MEI4: variants seen among roughly 807,000 people sequenced by gnomAD.
The protein encoded by MEI4 is meiosis-specific protein MEI4.
A neutral mutation model predicts 31.4 loss-of-function variants in MEI4; 27 were observed. That is an observed-to-expected ratio of 0.86 (90% CI 0.63 to 1.19). The LOEUF (loss-of-function observed/expected upper bound fraction) is 1.19, where lower values mean the gene tolerates loss of function less well. Among genes scored for constraint, MEI4 ranks in the 50% most tolerant of loss-of-function variants. MEI4 has a pLI of 0.00. For missense variants in MEI4, 329 were observed against 398.9 expected (o/e 0.82, Z 1.49); for synonymous variants, 122 against 145.4 (o/e 0.84, Z 1.16).
chr6:77,917,341 G>A (rs1411312674), intron 4 of MEI4, among the ~76,000 whole-genome samples: 209 of 150,204 alleles, frequency 1.4e-3, no homozygotes, highest in African/African-American at 4.9e-3. Context: ...CTGAGGAATC[G>A]CCACACTGAC....
chr6:77,689,971 A>G (rs745696174), intron 1 of MEI4, among the ~76,000 whole-genome samples: 8 of 152,022 alleles, frequency 5.3e-5, no homozygotes, highest in African/African-American at 7.2e-5. Context: ...TGTGGCCTCC[A>G]TAAGTATGTT....
chr6:77,922,625 C>CTGAGT (rs1376027664), intron 4 of MEI4, among the ~76,000 whole-genome samples: 2 of 151,712 alleles, frequency 1.3e-5, no homozygotes, highest in African/African-American at 4.8e-5. Context: ...CTACCCCTCC[C>CTGAGT]TGAGTTGAGT....
chr6:77,677,145 A>G (rs2504296), intron 1 of MEI4, among the ~76,000 whole-genome samples: 39,753 of 152,140 alleles, frequency 0.26, 6,824 homozygotes, highest in African/African-American at 0.47. Flanking sequence ...CTTTGAATTA[A>G]GATAACAGTT....
chr6:77,761,691 C>T (rs1257140053), intron 3 of MEI4, 26 bp downstream of exon 3: 1 of 1,206,848 alleles, frequency 8.3e-7, no homozygotes, highest in Non-Finnish European at 1.0e-6. Context: ...CTCTTTTATT[C>T]CTAAAATGCT....
chr6:77,706,685 T>C (rs1766339709), intron 2 of MEI4, among the ~76,000 whole-genome samples: 1 of 152,162 alleles, frequency 6.6e-6, no homozygotes, highest in African/African-American at 2.4e-5. Flanking sequence ...AAGAATGATT[T>C]GGTGCTGTCC....
intron 4 of MEI4, among the ~76,000 whole-genome samples, chr6:77,881,388 A>G (rs1180250062): frequency 1.3e-5 from 2 of 152,198 alleles, no homozygotes; most frequent in Non-Finnish European, 2.9e-5. Context: ...GACAAAGTAT[A>G]CCATTTTCAA....
intron 2 of MEI4, among the ~76,000 whole-genome samples, chr6:77,760,119 C>T (rs1768008327): frequency 6.6e-6 from 1 of 152,002 alleles, no homozygotes; most frequent in Admixed American, 6.6e-5. Context: ...CAGTATTTTT[C>T]AGCCAAGATG....
At chr6:77,921,540 T>G (rs905421563) in intron 4 of MEI4, among the ~76,000 whole-genome samples, 1 of 151,856 alleles carries the variant, frequency 6.6e-6, no homozygotes, top group East Asian at 1.9e-4. Flanking sequence ...AAGAACTCTT[T>G]CTTTGAATTT....
intron 3 of MEI4, among the ~76,000 whole-genome samples, chr6:77,771,851 T>G (rs1182886256): frequency 1.3e-5 from 2 of 151,994 alleles, no homozygotes; most frequent in Non-Finnish European, 2.9e-5. Flanking sequence ...GCTTAGAACC[T>G]GGGTGATAAA....
intron 4 of MEI4, among the ~76,000 whole-genome samples, chr6:77,887,106 C>T (rs919027387): frequency 6.6e-6 from 1 of 151,146 alleles, no homozygotes; most frequent in African/African-American, 2.4e-5. Flanking sequence ...GTAAGCTTCC[C>T]TCTGAGCGCT....
intron 2 of MEI4, among the ~76,000 whole-genome samples, chr6:77,727,314 G>A (rs1044764441): frequency 1.3e-5 from 2 of 152,154 alleles, no homozygotes; most frequent in Non-Finnish European, 2.9e-5. Context: ...CAGCGCTTTG[G>A]AGAAACACTA....
chr6:77,752,492 T>A (rs1246547141), intron 2 of MEI4, among the ~76,000 whole-genome samples: 1 of 151,950 alleles, frequency 6.6e-6, no homozygotes, highest in Non-Finnish European at 1.5e-5. Context: ...AAATCATGAG[T>A]GAACTCCCAT....
At chr6:77,759,944 A>G (rs892773897) in intron 2 of MEI4, among the ~76,000 whole-genome samples, 4 of 152,152 alleles carry the variant, frequency 2.6e-5, no homozygotes, top group Non-Finnish European at 5.9e-5. Flanking sequence ...TCTCATATTT[A>G]GTTTCATGGA....
chr6:77,789,798 C>T (rs1411627020), intron 3 of MEI4, among the ~76,000 whole-genome samples: 1 of 152,168 alleles, frequency 6.6e-6, no homozygotes, highest in Non-Finnish European at 1.5e-5. Flanking sequence ...CACTTTTACA[C>T]TGTTGGTGGG....
At chr6:77,887,477 A>C (rs1771652531) in intron 4 of MEI4, among the ~76,000 whole-genome samples, 1 of 151,710 alleles carries the variant, frequency 6.6e-6, no homozygotes, top group Admixed American at 6.6e-5. Context: ...TTGTACTTTT[A>C]GTAGGGACGG....
At chr6:77,912,325 A>G (rs958302519) in intron 4 of MEI4, among the ~76,000 whole-genome samples, 3 of 151,852 alleles carry the variant, frequency 2.0e-5, no homozygotes, top group Admixed American at 6.6e-5. Context: ...TTTTGTTTCC[A>G]TGTGAATTTT....
Position 77,879,244 on chromosome 6 carries a change from G to A in MEI4, c.901-43845G>A, listed in dbSNP as rs145793425. 1.4e-3 allele frequency among the ~76,000 whole-genome samples: 213 copies of A among 152,176 alleles called. 1 individual carries two copies. Among genetic ancestry groups the A allele is most frequent in the African/African-American group, 4.5e-3 (187 of 41,534 alleles). On this transcript the variant is annotated intron_variant, in intron 4 of 4. Coordinates refer to ENST00000684080, the MANE Select transcript of MEI4 (RefSeq NM_001322247.2). ...TGACAGTGTTTTCTGTTTATATGCTGTGAACATTGTGAAAGTTTGAGTATT... is the reference window on the plus strand; with the variant it reads ...TGACAGTGTTTTCTGTTTATATGCTATGAACATTGTGAAAGTTTGAGTATT...
intron 3 of MEI4, among the ~76,000 whole-genome samples, chr6:77,784,051 A>T (rs1216697588): frequency 1.3e-5 from 2 of 152,126 alleles, no homozygotes; most frequent in East Asian, 3.9e-4. Flanking sequence ...CTGCTAACTG[A>T]CATAAAATTG....
rs555265513 is a variant in MEI4 at position 77,732,087 on chromosome 6, C to T, written c.233-29043C>T. ...GATGCCTCCAGCTTTGTTCTTTTGA[C>T]TTAGGATTGACTTGGCGATGCGGGC... On this transcript the variant is annotated intron_variant, in intron 2 of 4. Coordinates refer to ENST00000684080, the MANE Select transcript of MEI4 (RefSeq NM_001322247.2). 9.9e-4 allele frequency among the ~76,000 whole-genome samples: 150 copies of T among 150,896 alleles called. 1 individual carries two copies. The highest frequency in any genetic ancestry group is 3.5e-3 in the African/African-American group (141 of 40,596).
Sources: allele counts gnomAD v4.1 joint callset (sites outside exome capture counted in the v4.1 genomes callset), GRCh38; gene constraint gnomAD v4.1.1; transcripts MANE v1.5; gene names NCBI Gene and HGNC (gene_info 2026-07-23, HGNC 2026-07-21).